The following DLG2 variants were observed in gnomAD, a reference collection of about 807,000 sequenced individuals.
DLG2 encodes discs large MAGUK scaffold protein 2.
A neutral mutation model predicts 132.5 loss-of-function variants in DLG2; 45 were observed. The observed-to-expected ratio is 0.34, with a 90% confidence interval of 0.27 to 0.44. DLG2 has a LOEUF of 0.44. Ranked by LOEUF, DLG2 falls within the 20% of genes least tolerant of loss-of-function variation. DLG2 has a pLI of 1.00. For synonymous variants in DLG2, 424 were observed against 419.6 expected, an observed-to-expected ratio of 1.01 and a Z score of -0.13; for missense variants, 1,045 against 1,196.9, an observed-to-expected ratio of 0.87 and a Z score of 1.87.
chr11:85,400,199 C>T (rs1204998612), intron 3 of DLG2, among the ~76,000 whole-genome samples: 1 of 151,964 alleles, frequency 6.6e-6, no homozygotes, highest in Non-Finnish European at 1.5e-5. Flanking sequence ...CATCACTGGC[C>T]ATCAGAGAAA....
Position 85,477,063 on chromosome 11 carries a change from T to C in DLG2, c.40+121594A>G, listed in dbSNP as rs992188987. 2.6e-5 allele frequency among the ~76,000 whole-genome samples: 4 copies of C among 152,312 alleles called. No individual in the cohort carries two copies. The East Asian group carries it at 5.8e-4, about 22-fold the overall frequency. On this transcript the variant is annotated intron_variant, in intron 3 of 27. Transcript: ENST00000376104. ...CACTGCTCTACAACTTTAGGAAGGC[T>C]ACAAATGCACTAGTTGATAGGAAGT...
At chr11:83,866,547 G>C (rs1238259588) in intron 16 of DLG2, among the ~76,000 whole-genome samples, 2 of 152,032 alleles carry the variant, frequency 1.3e-5, no homozygotes, top group Admixed American at 6.6e-5. Flanking sequence ...GATTAAGAGG[G>C]GCAATTTTCT....
chr11:85,388,630 G>A (rs1459290065), intron 3 of DLG2, among the ~76,000 whole-genome samples: 1 of 152,148 alleles, frequency 6.6e-6, no homozygotes, highest in Non-Finnish European at 1.5e-5. Context: ...AGTAGGTGCT[G>A]GTATCCACAG....
chr11:84,137,134 A>T (rs910616563), intron 9 of DLG2, among the ~76,000 whole-genome samples: 2 of 152,134 alleles, frequency 1.3e-5, no homozygotes, highest in African/African-American at 4.8e-5. Flanking sequence ...GTGGCAACTT[A>T]CCAGACAGCC....
At chr11:84,325,333 G>A (rs2098425255) in intron 7 of DLG2, among the ~76,000 whole-genome samples, 1 of 151,952 alleles carries the variant, frequency 6.6e-6, no homozygotes, top group Non-Finnish European at 1.5e-5. Flanking sequence ...TTTACATTAG[G>A]TATTTCTCTA....
intron 6 of DLG2, among the ~76,000 whole-genome samples, chr11:84,556,087 A>G (rs2099411468): frequency 6.6e-6 from 1 of 152,146 alleles, no homozygotes; most frequent in African/African-American, 2.4e-5. Flanking sequence ...TATTCTTTCA[A>G]CCCTCCAACA....
chr11:84,019,217 T>G (rs1280837287), intron 11 of DLG2, among the ~76,000 whole-genome samples: 9 of 152,144 alleles, frequency 5.9e-5, no homozygotes. Flanking sequence ...TCTCTATGTG[T>G]GCATGTATTT....
At chr11:83,800,018 G>T (rs1194232014) in intron 17 of DLG2, among the ~76,000 whole-genome samples, 1 of 152,116 alleles carries the variant, frequency 6.6e-6, no homozygotes, top group Non-Finnish European at 1.5e-5. Context: ...AACAGTGCCT[G>T]GCATCTAGTA....
intron 6 of DLG2, among the ~76,000 whole-genome samples, chr11:85,092,248 G>T (rs1358245860): frequency 6.6e-6 from 1 of 151,830 alleles, no homozygotes; most frequent in Admixed American, 6.6e-5. Context: ...TACAAAAGTG[G>T]GCTTAAAATA....
intron 7 of DLG2, among the ~76,000 whole-genome samples, chr11:84,357,160 G>A (rs990124951): frequency 6.6e-6 from 1 of 152,028 alleles, no homozygotes; most frequent in Non-Finnish European, 1.5e-5. Context: ...GCACAGTCTG[G>A]ATGTCTTCTT....
At chr11:83,489,376 T>C (rs912819810) in intron 21 of DLG2, among the ~76,000 whole-genome samples, 2 of 151,754 alleles carry the variant, frequency 1.3e-5, no homozygotes, top group African/African-American at 4.8e-5. Flanking sequence ...AAGAAACCAA[T>C]AAAAAATGGC....
intron 3 of DLG2, among the ~76,000 whole-genome samples, chr11:85,391,334 T>A (rs1045439763): frequency 6.6e-6 from 1 of 151,978 alleles, no homozygotes; most frequent in African/African-American, 2.4e-5. Flanking sequence ...CAGGACCAGA[T>A]GGACTCACAG....
chr11:85,232,534 ATAGATAGATAGAATAAG>A (rs2075357405), intron 4 of DLG2, among the ~76,000 whole-genome samples: 1 of 151,946 alleles, frequency 6.6e-6, no homozygotes, highest in Non-Finnish European at 1.5e-5. Context: ...GAAGCAAATG[ATAGATAGATAGAATAAG>A]GCATTTCCAT....
intron 3 of DLG2, among the ~76,000 whole-genome samples, chr11:85,426,165 G>T (rs948829270): frequency 1.3e-5 from 2 of 152,218 alleles, no homozygotes; most frequent in Admixed American, 6.5e-5. Flanking sequence ...AGAGCCCACC[G>T]CAGCTCAAGG....
chr11:85,136,079 T>A (rs1216953169), intron 5 of DLG2, among the ~76,000 whole-genome samples: 2 of 152,212 alleles, frequency 1.3e-5, no homozygotes, highest in Admixed American at 6.5e-5. Flanking sequence ...ATGTTATACC[T>A]TTATACAATC....
chr11:84,132,766 GA>G (rs1157278341), intron 9 of DLG2, among the ~76,000 whole-genome samples: 1 of 151,940 alleles, frequency 6.6e-6, no homozygotes, highest in Admixed American at 6.6e-5. Flanking sequence ...TAGCTAATTT[GA>G]ATTGGAAGGT....
chr11:85,240,272 A>C (rs1267004492), intron 4 of DLG2, among the ~76,000 whole-genome samples: 2 of 151,756 alleles, frequency 1.3e-5, no homozygotes, highest in African/African-American at 4.8e-5. Flanking sequence ...TCATTATATG[A>C]TCATTATATA....
At chr11:84,999,207 G>A (rs1057513114) in intron 6 of DLG2, among the ~76,000 whole-genome samples, 4 of 152,172 alleles carry the variant, frequency 2.6e-5, no homozygotes, top group African/African-American at 9.6e-5. Flanking sequence ...GGCCACCTAT[G>A]TGTGTGAAAG....
intron 6 of DLG2, among the ~76,000 whole-genome samples, chr11:84,716,902 C>T (rs1156235361): frequency 6.6e-5 from 10 of 152,064 alleles, no homozygotes; most frequent in South Asian, 4.1e-4. Context: ...GTTGTACTTA[C>T]GTTTGTATCT....
Sources: allele counts gnomAD v4.1 joint callset (sites outside exome capture counted in the v4.1 genomes callset), GRCh38; gene constraint gnomAD v4.1.1; transcripts MANE v1.5; gene names NCBI Gene and HGNC (gene_info 2026-07-23, HGNC 2026-07-21).